Variants in CTTNBP2 observed in about 807,000 individuals in gnomAD.
CTTNBP2 encodes the protein cortactin-binding protein 2.
A neutral mutation model predicts 156.9 loss-of-function variants in CTTNBP2; 108 were observed. That is an observed-to-expected ratio of 0.69 (90% confidence interval 0.59 to 0.81). CTTNBP2 has a LOEUF of 0.81. Among genes scored for constraint, CTTNBP2 ranks in the 30% least tolerant of loss-of-function variants. CTTNBP2 has a pLI of 0.00. For missense variants in CTTNBP2, 1,924 were observed against 2,035.4 expected, an observed-to-expected ratio of 0.95 and a Z score of 1.05; for synonymous variants, 767 against 751.8, an observed-to-expected ratio of 1.02 and a Z score of -0.33.
chr7:117,727,561 A>G (rs1324084750), intron 17 of CTTNBP2, among the ~76,000 whole-genome samples: 1 of 152,228 alleles, frequency 6.6e-6, no homozygotes, highest in Admixed American at 6.5e-5. Context: ...AAACTATAGA[A>G]TCAAATCTGC....
At chr7:117,837,726 C>T (rs751232262) in intron 2 of CTTNBP2, among the ~76,000 whole-genome samples, 10 of 151,936 alleles carry the variant, frequency 6.6e-5, no homozygotes, top group Non-Finnish European at 1.2e-4. Flanking sequence ...GACTGTGATC[C>T]ATCCCATGAG....
intron 3 of CTTNBP2, among the ~76,000 whole-genome samples, chr7:117,804,515 C>T (rs1476181263): frequency 6.6e-6 from 1 of 152,120 alleles, no homozygotes; most frequent in Non-Finnish European, 1.5e-5. Context: ...GACACAGAAT[C>T]AACCCGAATG....
At chr7:117,849,109 T>C (rs934346890) in intron 2 of CTTNBP2, among the ~76,000 whole-genome samples, 1 of 152,166 alleles carries the variant, frequency 6.6e-6, no homozygotes, top group East Asian at 1.9e-4. Flanking sequence ...ATCAAGTAGA[T>C]GGGCAAAAGA....
chr7:117,846,593 T>A (rs1802599220), intron 2 of CTTNBP2, among the ~76,000 whole-genome samples: 1 of 152,092 alleles, frequency 6.6e-6, no homozygotes, highest in East Asian at 1.9e-4. Context: ...AAATATACTT[T>A]AAAATATCAT....
intron 8 of CTTNBP2, among the ~76,000 whole-genome samples, chr7:117,770,415 G>A (rs1562989345): frequency 6.6e-6 from 1 of 152,334 alleles, no homozygotes. Context: ...ATTCTGCAGT[G>A]TGTGCTGGCT....
Position 117,792,287 on chromosome 7 carries a change from C to T in CTTNBP2, c.909G>A (p.Arg303=). Residue 303 remains arginine (R), a synonymous_variant, in exon 4 of 23, where the codon AGG becomes AGA. Coordinates refer to ENST00000160373, the MANE Select transcript of CTTNBP2 (RefSeq NM_033427.3). The surrounding 1 kb of genome is among the most constrained non-coding windows in gnomAD (Gnocchi z 4.2). Reference sequence around the variant, plus strand: ...CTAGGTCTGTCTGGCATGCAACAGACCTTGTCACAGTTCCTTCTGTTCCCA... The same window carrying T: ...CTAGGTCTGTCTGGCATGCAACAGATCTTGTCACAGTTCCTTCTGTTCCCA... ...ISVGTEGTVT[R]SVACQTDLVT... 6.2e-7 allele frequency: 1 copy of T among 1,614,200 alleles called. No individual in the cohort carries two copies. The highest frequency in any genetic ancestry group is 8.5e-7 in the Non-Finnish European group (1 of 1,180,032).
chr7:117,737,512 G>A (rs1795770725), intron 14 of CTTNBP2, among the ~76,000 whole-genome samples: 1 of 152,206 alleles, frequency 6.6e-6, no homozygotes, highest in African/African-American at 2.4e-5. Context: ...CTTTGCTACA[G>A]GTACTGGATG....
At chr7:117,823,347 T>C (rs1455223546) in intron 2 of CTTNBP2, among the ~76,000 whole-genome samples, 1 of 152,226 alleles carries the variant, frequency 6.6e-6, no homozygotes, top group African/African-American at 2.4e-5. Flanking sequence ...GACTTTTTCA[T>C]AAAATTAAGT....
chr7:117,816,286 A>C (rs1163234266), intron 2 of CTTNBP2, among the ~76,000 whole-genome samples: 2 of 152,214 alleles, frequency 1.3e-5, no homozygotes, highest in Non-Finnish European at 2.9e-5. Context: ...AGGGTATATC[A>C]GTTGGTTTTC....
Position 117,786,688 on chromosome 7 carries a change from T to C in CTTNBP2, c.2069-2234A>G, listed in dbSNP as rs563515519. On this transcript the variant is annotated intron_variant, in intron 4 of 22. Transcript: ENST00000160373. ...ATATTCTTTTATGAATACCAATATA[T>C]GTAAATGGTTTGCTATTCTTTTGGG... Among the ~76,000 whole-genome samples, 7 of 152,314 alleles carry C rather than the reference T, an allele frequency of 4.6e-5. No individual in the cohort carries two copies. In the South Asian group the frequency reaches 1.2e-3, roughly 27 times the overall value.
intron 1 of CTTNBP2, among the ~76,000 whole-genome samples, chr7:117,871,352 G>T (rs1563082776): frequency 6.6e-6 from 1 of 152,082 alleles, no homozygotes; most frequent in Non-Finnish European, 1.5e-5. Flanking sequence ...TACTACAAAA[G>T]CCATCATCAA....
At chr7:117,841,173 A>C (rs1324241928) in intron 2 of CTTNBP2, among the ~76,000 whole-genome samples, 1 of 152,168 alleles carries the variant, frequency 6.6e-6, no homozygotes, top group Admixed American at 6.5e-5. Context: ...CTTCTTTACT[A>C]TCTGGCCTCA....
intron 3 of CTTNBP2, among the ~76,000 whole-genome samples, chr7:117,808,924 G>A (rs1005270120): frequency 2.6e-5 from 4 of 152,038 alleles, no homozygotes; most frequent in African/African-American, 7.2e-5. Context: ...ATAACTCTTC[G>A]CATACACTAT....
chr7:117,767,610 T>C (rs1047178625), intron 8 of CTTNBP2, among the ~76,000 whole-genome samples: 14 of 152,348 alleles, frequency 9.2e-5, no homozygotes, highest in African/African-American at 3.4e-4. Context: ...GTAATATAAG[T>C]GCAGGGCTCT....
At chr7:117,849,360 G>A (rs965842768) in intron 2 of CTTNBP2, among the ~76,000 whole-genome samples, 2 of 152,182 alleles carry the variant, frequency 1.3e-5, no homozygotes, top group African/African-American at 4.8e-5. Context: ...CAGAGTTTCT[G>A]AGTTAGTTGA....
intron 2 of CTTNBP2, among the ~76,000 whole-genome samples, chr7:117,843,330 T>C (rs1802386016): frequency 1.3e-5 from 2 of 152,180 alleles, no homozygotes; most frequent in African/African-American, 4.8e-5. Context: ...TTGATAAATG[T>C]AGTGGAGCTA....
intron 2 of CTTNBP2, among the ~76,000 whole-genome samples, chr7:117,824,967 T>G (rs1413998297): frequency 2.0e-5 from 3 of 152,260 alleles, no homozygotes; most frequent in Non-Finnish European, 2.9e-5. Flanking sequence ...TCTTGTTTAC[T>G]CCATCCTTGG....
rs1183555292 is a variant in CTTNBP2 at position 117,792,319 on chromosome 7, T to C, written c.877A>G (p.Ile293Val). The C allele has an allele frequency of 1.2e-6, 2 of 1,614,090 alleles. No homozygotes were observed. Among genetic ancestry groups the C allele is most frequent in the East Asian group, 2.2e-5 (1 of 44,896 alleles). ...RKTKDRRLVS[I>V]SVGTEGTVTR... The stretch of plus-strand genomic sequence containing the variant: ...ACAGTTCCTTCTGTTCCCACAGATA[T>C]GGAAACCAAACGCCTATCTTTTGTC... Residue 293 changes from isoleucine (I) to valine (V), a missense_variant, in exon 4 of 23, where the codon ATA (isoleucine) becomes GTA (valine). Transcript: ENST00000160373. The surrounding 1 kb of genome is among the most constrained non-coding windows in gnomAD (Gnocchi z 4.2).
At chr7:117,740,881 T>C (rs1018869565) in intron 14 of CTTNBP2, among the ~76,000 whole-genome samples, 6 of 152,180 alleles carry the variant, frequency 3.9e-5, no homozygotes, top group African/African-American at 1.4e-4. Flanking sequence ...CCTCTATGTC[T>C]TCATCAGCCT....
Sources: gnomAD v4.1 joint callset for allele counts (sites outside exome capture counted in the v4.1 genomes callset) on GRCh38, gnomAD v4.1.1 for gene constraint, Gnocchi (gnomAD v3.1) non-coding constraint, MANE v1.5 for transcripts, NCBI Gene and HGNC (gene_info 2026-07-23, HGNC 2026-07-21) for gene names.